GTF2E2: variants seen among roughly 807,000 people sequenced by gnomAD.
The protein encoded by GTF2E2 is general transcription factor IIE subunit 2, also known as transcription initiation factor IIE subunit beta.
GTF2E2 carries 21 observed loss-of-function variants against 40.5 expected under a neutral mutation model. The ratio of observed to expected loss-of-function variants is 0.52; its 90% CI spans 0.37 to 0.75. GTF2E2 has a LOEUF of 0.75. Ranked by LOEUF, GTF2E2 falls within the 30% of genes least tolerant of loss-of-function variation. The pLI, the probability that GTF2E2 is intolerant of heterozygous loss-of-function variation, is 0.00. For missense variants in GTF2E2, 298 were observed against 338.4 expected (o/e 0.88, Z 0.94); for synonymous variants, 117 against 121.6 (o/e 0.96, Z 0.25).
chr8:30,580,138 C>G, intron 7 of GTF2E2, 143 bp downstream of exon 7: 1 of 620,436 alleles, frequency 1.6e-6, no homozygotes, highest in South Asian at 1.9e-5. Flanking sequence ...TGCAGGCCTG[C>G]AATACCTCAG....
At chr8:30,621,757 C>A (rs1385245882) in intron 3 of GTF2E2, among the ~76,000 whole-genome samples, 1 of 152,004 alleles carries the variant, frequency 6.6e-6, no homozygotes, top group South Asian at 2.1e-4. Flanking sequence ...AGCTTTTCTA[C>A]ATACTTAATC....
At chr8:30,645,084 A>C (rs1802017604) in intron 2 of GTF2E2, among the ~76,000 whole-genome samples, 1 of 152,168 alleles carries the variant, frequency 6.6e-6, no homozygotes, top group Admixed American at 6.5e-5. Flanking sequence ...CTAGCAAATA[A>C]TATATGTTAA....
chr8:30,632,222 A>C (rs1218573255), intron 3 of GTF2E2, among the ~76,000 whole-genome samples: 2 of 152,234 alleles, frequency 1.3e-5, no homozygotes, highest in Non-Finnish European at 2.9e-5. Flanking sequence ...GAAATGTTTA[A>C]ATTATTACAA....
intron 6 of GTF2E2, among the ~76,000 whole-genome samples, chr8:30,601,168 G>A (rs1049783655): frequency 1.3e-5 from 2 of 152,150 alleles, no homozygotes; most frequent in Admixed American, 6.5e-5. Flanking sequence ...TGTCTCTACA[G>A]CACCGTGTGA....
At chr8:30,607,519 G>A (rs1050000680) in intron 5 of GTF2E2, among the ~76,000 whole-genome samples, 3 of 152,078 alleles carry the variant, frequency 2.0e-5, no homozygotes, top group Non-Finnish European at 4.4e-5. Flanking sequence ...GGGCTCAAGC[G>A]ATCTTCCCAC....
At chr8:30,583,779 G>GTATT (rs555607126) in intron 6 of GTF2E2, among the ~76,000 whole-genome samples, 101 of 151,886 alleles carry the variant, frequency 6.6e-4, no homozygotes, top group African/African-American at 2.1e-3. Context: ...ATGACGATCA[G>GTATT]TATTTATTTA....
intron 2 of GTF2E2, chr8:30,643,364 T>C (rs1801925247): frequency 2.0e-5 from 3 of 152,176 alleles, no homozygotes; most frequent in Non-Finnish European, 4.4e-5. Flanking sequence ...AGTTGCATTA[T>C]AAGTACATGG....
intron 3 of GTF2E2, among the ~76,000 whole-genome samples, chr8:30,629,511 C>T (rs1038770750): frequency 6.6e-6 from 1 of 151,746 alleles, no homozygotes; most frequent in Admixed American, 6.6e-5. Context: ...ACGGTGAAAC[C>T]CCGTCTCTAC....
chr8:30,627,654 C>T (rs1028826604), intron 3 of GTF2E2, among the ~76,000 whole-genome samples: 1 of 151,970 alleles, frequency 6.6e-6, no homozygotes, highest in Admixed American at 6.6e-5. Flanking sequence ...ACAGCAAGAC[C>T]TCATCACTAT....
chr8:30,614,539 C>A (rs1800855938), intron 4 of GTF2E2, 69 bp downstream of exon 4: 2 of 866,906 alleles, frequency 2.3e-6, no homozygotes, highest in East Asian at 4.9e-5. Context: ...CAGAGCAAGA[C>A]TCTGTCTTAA....
At chr8:30,624,067 T>C (rs1801193867) in intron 3 of GTF2E2, among the ~76,000 whole-genome samples, 1 of 152,184 alleles carries the variant, frequency 6.6e-6, no homozygotes. Context: ...TTTGGTGTTT[T>C]AGACATGAAG....
intron 2 of GTF2E2, among the ~76,000 whole-genome samples, chr8:30,644,113 T>A (rs1801966888): frequency 6.6e-6 from 1 of 152,180 alleles, no homozygotes; most frequent in African/African-American, 2.4e-5. Context: ...TTGTTAGAGA[T>A]CAAGACAGTA....
Position 30,653,595 on chromosome 8 carries a change from C to T in GTF2E2, c.4G>A (p.Asp2Asn). M[D>N]PSLLRERELF... is the part of the protein sequence containing the mutation. Reference sequence around the variant, plus strand: ...TCCCTTTCTCTCAACAGGCTTGGATCCATAATGCTACAAAGAAAAAATAAG... The same window carrying T: ...TCCCTTTCTCTCAACAGGCTTGGATTCATAATGCTACAAAGAAAAAATAAG... The change falls in exon 2 of 8, where the codon GAT becomes AAT. Residue 2 changes from aspartate (D) to asparagine (N), a missense_variant. By Grantham distance (23) the Asp-to-Asn change is conservative (BLOSUM62 1). Coordinates refer to ENST00000355904, the MANE Select transcript of GTF2E2 (RefSeq NM_002095.6). The T allele has an allele frequency of 8.7e-6, 14 of 1,608,082 alleles. No individual in the cohort carries two copies. Among genetic ancestry groups the T allele is most frequent in the Non-Finnish European group, 1.2e-5 (14 of 1,177,762 alleles).
chr8:30,653,707 T>C, intron 1 of GTF2E2, 105 bp from the exon 2 acceptor site: 1 of 732,092 alleles, frequency 1.4e-6, no homozygotes, highest in South Asian at 1.7e-5. Context: ...AATTACCTTT[T>C]ATTATTAGTT....
intron 3 of GTF2E2, among the ~76,000 whole-genome samples, chr8:30,622,696 G>C (rs1423216280): frequency 6.6e-6 from 1 of 152,034 alleles, no homozygotes; most frequent in Non-Finnish European, 1.5e-5. Context: ...CACAGCCAGG[G>C]GGGCCGTCTA....
chr8:30,634,416 C>T (rs573054073), intron 3 of GTF2E2, among the ~76,000 whole-genome samples: 49 of 151,892 alleles, frequency 3.2e-4, no homozygotes, highest in African/African-American at 1.0e-3. Flanking sequence ...CCACTGCACT[C>T]CAGCCTGGGT....
intron 3 of GTF2E2, among the ~76,000 whole-genome samples, chr8:30,618,449 C>A (rs1206350713): frequency 6.6e-6 from 1 of 152,144 alleles, no homozygotes; most frequent in Non-Finnish European, 1.5e-5. Context: ...CTGAGGCGGG[C>A]CTGGGAATCT....
chr8:30,615,413 T>C (rs190206403), intron 3 of GTF2E2, among the ~76,000 whole-genome samples: 1 of 152,290 alleles, frequency 6.6e-6, no homozygotes, highest in East Asian at 1.9e-4. Flanking sequence ...CCTACAGAAA[T>C]ACCAGTACCA....
At chr8:30,651,381 T>G (rs1193542320) in intron 2 of GTF2E2, among the ~76,000 whole-genome samples, 1 of 148,256 alleles carries the variant, frequency 6.7e-6, no homozygotes, top group Non-Finnish European at 1.5e-5. Flanking sequence ...AAAAAAACTC[T>G]TGTTTCTATA....
Sources: allele counts gnomAD v4.1 joint callset (sites outside exome capture counted in the v4.1 genomes callset), GRCh38; gene constraint gnomAD v4.1.1; transcripts MANE v1.5; gene names NCBI Gene and HGNC (gene_info 2026-07-23, HGNC 2026-07-21).